Variants in HS6ST3 observed in about 807,000 individuals in gnomAD.
HS6ST3 encodes heparan sulfate 6-O-sulfotransferase 3, also known as heparan-sulfate 6-O-sulfotransferase 3.
A neutral mutation model predicts 36.7 loss-of-function variants in HS6ST3; 12 were observed. The ratio of observed to expected loss-of-function variants is 0.33; its 90% CI spans 0.21 to 0.53. HS6ST3 has a LOEUF of 0.53. Ranked by LOEUF, HS6ST3 falls within the 20% of genes least tolerant of loss-of-function variation. The pLI is 0.95. For synonymous variants in HS6ST3, 240 were observed against 257.5 expected (o/e 0.93, Z 0.65); for missense variants, 584 against 640.9 (o/e 0.91, Z 0.96).
intron 1 of HS6ST3, among the ~76,000 whole-genome samples, chr13:96,799,489 G>A (rs1877990382): frequency 6.6e-6 from 1 of 151,986 alleles, no homozygotes; most frequent in Non-Finnish European, 1.5e-5. Context: ...TAGGGACATG[G>A]ATGAAATTGG....
At chr13:96,155,951 C>T (rs1335606562) in intron 1 of HS6ST3, among the ~76,000 whole-genome samples, 9 of 152,112 alleles carry the variant, frequency 5.9e-5, no homozygotes, top group Non-Finnish European at 1.0e-4. Context: ...GGCTCAGGCA[C>T]GTGATTTCTT....
At chr13:96,186,924 AGAGGCCACTGTAT>A (rs1386075794) in intron 1 of HS6ST3, among the ~76,000 whole-genome samples, 1 of 152,214 alleles carries the variant, frequency 6.6e-6, no homozygotes, top group African/African-American at 2.4e-5. Context: ...ATGTGATTGA[AGAGGCCACTGTAT>A]GATTAACAGT....
At chr13:96,626,228 T>C (rs2056511902) in intron 1 of HS6ST3, among the ~76,000 whole-genome samples, 1 of 152,234 alleles carries the variant, frequency 6.6e-6, no homozygotes, top group African/African-American at 2.4e-5. Flanking sequence ...TGTCTACATA[T>C]ATTTCTATGC....
At chr13:96,771,824 CA>C (rs1321421270) in intron 1 of HS6ST3, among the ~76,000 whole-genome samples, 2 of 151,534 alleles carry the variant, frequency 1.3e-5, no homozygotes, top group East Asian at 1.9e-4. Flanking sequence ...CTAGGAGGTA[CA>C]AAAAAAAGAT....
intron 1 of HS6ST3, among the ~76,000 whole-genome samples, chr13:96,501,952 C>T (rs1003168222): frequency 6.6e-6 from 1 of 152,200 alleles, no homozygotes; most frequent in Non-Finnish European, 1.5e-5. Flanking sequence ...TGTTGCTCCT[C>T]CACTCTGACT....
chr13:96,307,395 A>T (rs965400275), intron 1 of HS6ST3, among the ~76,000 whole-genome samples: 3 of 152,116 alleles, frequency 2.0e-5, no homozygotes, highest in Admixed American at 6.5e-5. Context: ...AACTTACATC[A>T]CTAGATGAAT....
rs1476812587 is a variant in HS6ST3 at position 96,091,020 on chromosome 13, G to T, written c.158G>T (p.Gly53Val). 5.6e-5 allele frequency: 70 copies of T among 1,260,262 alleles called. No individual in the cohort carries two copies. Among genetic ancestry groups the T allele is most frequent in the Non-Finnish European group, 6.9e-5 (69 of 1,000,476 alleles). The allele number at this position is 1,260,262 out of a possible 1,614,324, so 78.1% of individuals were successfully genotyped here. ...GAGGCCGGCCCGCCCGCCGTCCCGG[G>T]TCCCGCCCGCCGGGCTCAGGCGCCG... ...AGEAGPPAVP[G>V]PARRAQAPPE... Residue 53 changes from glycine (G) to valine (V), a missense_variant, in exon 1 of 2, where the codon GGT becomes GTT. This residue lies in a region of HS6ST3 where 217 missense variants were observed against 205.4 expected (regional missense o/e 1.06). Transcript: ENST00000376705.
At chr13:96,329,139 G>T (rs1182979707) in intron 1 of HS6ST3, among the ~76,000 whole-genome samples, 1 of 149,178 alleles carries the variant, frequency 6.7e-6, no homozygotes, top group African/African-American at 2.5e-5. Context: ...CCAGCTCCCG[G>T]ATTCATTAAT....
rs1878955914 is a variant in HS6ST3 at position 96,837,501 on chromosome 13, G to A, written c.*4303G>A. On this transcript the variant is annotated 3_prime_UTR_variant, in exon 2 of 2. Transcript: ENST00000376705. The stretch of plus-strand genomic sequence containing the variant: ...TTCATAGTCTTTCCGACTACTTTAT[G>A]CAGCTCAGCATCAGTACTGGGATTG... 6.6e-6 allele frequency: 1 copy of A among 152,198 alleles called. No individual in the cohort carries two copies. Among genetic ancestry groups the A allele is most frequent in the Admixed American group, 6.5e-5 (1 of 15,282 alleles). The allele number at this position is 152,198 out of a possible 1,614,324, so 9.4% of individuals were successfully genotyped here.
intron 1 of HS6ST3, among the ~76,000 whole-genome samples, chr13:96,463,264 G>T (rs922647640): frequency 1.3e-5 from 2 of 152,092 alleles, no homozygotes; most frequent in South Asian, 2.1e-4. Flanking sequence ...AGACACTGTA[G>T]GGAGTTAGAA....
rs55957302 is a variant in HS6ST3, at chr13:96,400,155, TCA to T, written c.707+308615_707+308616del. ...TCCCTTCAATTCAGTAGTGCTGAAA[TCA>T]CACACACACACACACACACACACAC... On this transcript the variant is annotated intron_variant, in intron 1 of 1. Coordinates refer to ENST00000376705, the MANE Select transcript of HS6ST3 (RefSeq NM_153456.4). Among the ~76,000 whole-genome samples the T allele has an allele frequency of 5.9e-3, 857 of 144,998 alleles. 2 individuals carry two copies. Among genetic ancestry groups the T allele is most frequent in the African/African-American group, 0.015 (568 of 39,160 alleles).
intron 1 of HS6ST3, chr13:96,574,170 G>T (rs905714141): frequency 7.6e-6 from 4 of 525,340 alleles, no homozygotes; most frequent in African/African-American, 1.9e-5. Flanking sequence ...CCTCCAATCT[G>T]AGAGGGGCTG....
At chr13:96,723,989 C>A (rs1247711581) in intron 1 of HS6ST3, among the ~76,000 whole-genome samples, 1 of 151,730 alleles carries the variant, frequency 6.6e-6, no homozygotes, top group Non-Finnish European at 1.5e-5. Flanking sequence ...TTATTTTTTT[C>A]TTTAGTCTCC....
rs151290723 is a variant in HS6ST3, at chr13:96,389,305, T to A, written c.707+297736T>A. 8.9e-4 allele frequency among the ~76,000 whole-genome samples: 136 copies of A among 152,262 alleles called. 2 individuals are homozygous for A. In the East Asian group the frequency reaches 0.024, roughly 27 times the overall value. ...CTTGTGAGATGACAGATATGTGAAT[T>A]TGCTTCACTATAGTAACGATTTTAC... On this transcript the variant is annotated intron_variant, in intron 1 of 1. Coordinates refer to ENST00000376705, the MANE Select transcript of HS6ST3 (RefSeq NM_153456.4).
intron 1 of HS6ST3, among the ~76,000 whole-genome samples, chr13:96,238,427 G>T (rs559403308): frequency 6.6e-6 from 1 of 152,194 alleles, no homozygotes; most frequent in East Asian, 1.9e-4. Context: ...TTAACTATAG[G>T]CTCTTTATGA....
intron 1 of HS6ST3, among the ~76,000 whole-genome samples, chr13:96,590,731 A>G (rs1346472892): frequency 1.3e-5 from 2 of 152,010 alleles, no homozygotes; most frequent in African/African-American, 4.8e-5. Context: ...TTGGTTGCCT[A>G]TACTTGTGGG....
chr13:96,363,601 T>G (rs2055249723), intron 1 of HS6ST3, among the ~76,000 whole-genome samples: 1 of 152,218 alleles, frequency 6.6e-6, no homozygotes, highest in African/African-American at 2.4e-5. Flanking sequence ...AGCCTTATCT[T>G]TTTTAAACAC....
chr13:96,621,057 G>T (rs528047266), intron 1 of HS6ST3, among the ~76,000 whole-genome samples: 1 of 152,296 alleles, frequency 6.6e-6, no homozygotes. Flanking sequence ...CCTGGGAGCC[G>T]CAAGGGCTGC....
intron 1 of HS6ST3, among the ~76,000 whole-genome samples, chr13:96,463,270 T>C (rs1339719755): frequency 1.3e-5 from 2 of 152,096 alleles, no homozygotes; most frequent in Non-Finnish European, 2.9e-5. Context: ...TGTAGGGAGT[T>C]AGAACTAGAA....
Sources: gnomAD v4.1 joint callset for allele counts (sites outside exome capture counted in the v4.1 genomes callset) on GRCh38, gnomAD v4.1.1 for gene constraint, gnomAD v4.1.1 regional missense constraint, MANE v1.5 for transcripts, NCBI Gene and HGNC (gene_info 2026-07-23, HGNC 2026-07-21) for gene names.